The following BBS9 variants were observed in gnomAD, a reference collection of about 807,000 sequenced individuals.
BBS9 encodes the protein Bardet-Biedl syndrome 9, also known as protein PTHB1.
BBS9 carries 89 observed loss-of-function variants against 117.7 expected under a neutral mutation model. That is an observed-to-expected ratio of 0.76 (90% CI 0.64 to 0.90). BBS9 has a LOEUF of 0.90. BBS9 is among the 40% of genes least tolerant of loss of function. BBS9 has a pLI of 0.00. For synonymous variants in BBS9, 379 were observed against 370.9 expected (o/e 1.02, Z -0.25); for missense variants, 982 against 1,042.2 (o/e 0.94, Z 0.80).
chr7:33,609,194 A>G (rs1003022894), downstream of BBS9, among the ~76,000 whole-genome samples: 2 of 152,014 alleles, frequency 1.3e-5, no homozygotes, highest in African/African-American at 4.8e-5. Context: ...TGCTGGGTTC[A>G]CTATTTTGTT....
Position 33,403,893 on chromosome 7 carries a change from C to T in BBS9, c.2115+15749C>T, listed in dbSNP as rs543881417. Among the ~76,000 whole-genome samples, 98 of 152,114 alleles carry T rather than the reference C, an allele frequency of 6.4e-4. No individual in the cohort carries two copies. In the Middle Eastern group the frequency reaches 0.014, roughly 21 times the overall value. On this transcript the variant is annotated intron_variant, in intron 19 of 22. Transcript: ENST00000242067. ...CTAGATCCCTGAGGAATCGCCACAC[C>T]GACTTCCACAGTGGTTGAACTAGTT... is the stretch of plus-strand genomic sequence containing the variant.
intron 11 of BBS9, 53 bp from the exon 12 acceptor site, chr7:33,344,528 G>A: frequency 6.7e-7 from 1 of 1,490,318 alleles, no homozygotes. Context: ...TTCACTCACT[G>A]CTGTGTAATA....
chr7:33,406,019 C>T lies in BBS9; in HGVS notation c.2115+17875C>T, dbSNP rs868142133. Among the ~76,000 whole-genome samples, 724 of 152,084 alleles carry T rather than the reference C, an allele frequency of 4.8e-3. 3 individuals are homozygous for T. Among genetic ancestry groups the T allele is most frequent in the African/African-American group, 0.017 (692 of 41,480 alleles). On this transcript the variant is annotated intron_variant, in intron 19 of 22. Transcript: ENST00000242067. ...TTCCCTCTACACACTGCTTTGAATG[C>T]GTCCCAGAGATTCTGGTATGTTGTG...
At chr7:33,276,646 A>T (rs1253653042) in intron 9 of BBS9, among the ~76,000 whole-genome samples, 1 of 152,218 alleles carries the variant, frequency 6.6e-6, no homozygotes, top group Non-Finnish European at 1.5e-5. Flanking sequence ...TCCGGCAAAA[A>T]AAGAAAAAAG....
At chr7:33,164,009 C>G (rs1689958839) in intron 4 of BBS9, among the ~76,000 whole-genome samples, 1 of 152,054 alleles carries the variant, frequency 6.6e-6, no homozygotes, top group Admixed American at 6.6e-5. Context: ...TAAATGTGTC[C>G]CAGAGATTTT....
chr7:33,166,646 T>A (rs1014039490), intron 4 of BBS9, among the ~76,000 whole-genome samples: 4 of 152,224 alleles, frequency 2.6e-5, no homozygotes, highest in Admixed American at 2.0e-4. Flanking sequence ...CAAGGCTCCA[T>A]GGGCGTGGGA....
chr7:33,368,603 CACACACACACA>C (rs1563074462), intron 17 of BBS9, among the ~76,000 whole-genome samples: 1 of 151,492 alleles, frequency 6.6e-6, no homozygotes, highest in African/African-American at 2.4e-5. Context: ...CACACACACA[CACACACACACA>C]CACCCATACC....
chr7:33,588,458 C>A (rs1376275366), intron 21 of BBS9, among the ~76,000 whole-genome samples: 1 of 152,090 alleles, frequency 6.6e-6, no homozygotes, highest in East Asian at 1.9e-4. Context: ...AAGTTGACAA[C>A]TAAATATCGT....
chr7:33,391,288 AG>A (rs1372632476), intron 19 of BBS9, among the ~76,000 whole-genome samples: 2 of 152,158 alleles, frequency 1.3e-5, no homozygotes, highest in East Asian at 3.8e-4. Flanking sequence ...TGACTTTACT[AG>A]ATTTTTAAAG....
At chr7:33,456,084 A>G (rs1357301786) in intron 19 of BBS9, among the ~76,000 whole-genome samples, 1 of 152,200 alleles carries the variant, frequency 6.6e-6, no homozygotes. Context: ...TGTGAGTGTT[A>G]TGTAATATTT....
intron 9 of BBS9, among the ~76,000 whole-genome samples, chr7:33,313,036 G>GGTGTGTGTGT (rs5883397): frequency 2.7e-5 from 4 of 148,050 alleles, no homozygotes; most frequent in Admixed American, 6.8e-5. Context: ...TGTACTCTGT[G>GGTGTGTGTGT]GTGTGTGTGT....
At chr7:33,450,951 C>T (rs999081701) in intron 19 of BBS9, among the ~76,000 whole-genome samples, 9 of 151,072 alleles carry the variant, frequency 6.0e-5, no homozygotes, top group African/African-American at 1.9e-4. Context: ...TGCAGTGGCG[C>T]GATCTCGGCT....
At chr7:33,133,738 T>TA (rs1451076726) in intron 1 of BBS9, among the ~76,000 whole-genome samples, 8 of 152,232 alleles carry the variant, frequency 5.3e-5, no homozygotes, top group African/African-American at 1.7e-4. Flanking sequence ...TTTTAGATAT[T>TA]ATGAATAATG....
intron 19 of BBS9, among the ~76,000 whole-genome samples, chr7:33,427,659 T>G (rs1833842458): frequency 6.6e-6 from 1 of 152,224 alleles, no homozygotes; most frequent in South Asian, 2.1e-4. Context: ...CTAGGCAATT[T>G]ACTCTGCTTG....
intron 19 of BBS9, among the ~76,000 whole-genome samples, chr7:33,467,482 T>A (rs1840348708): frequency 6.6e-6 from 1 of 152,134 alleles, no homozygotes; most frequent in South Asian, 2.1e-4. Context: ...ATTTGTATAT[T>A]TTTTGCACTT....
chr7:33,180,447 G>A (rs1263629639), intron 5 of BBS9, among the ~76,000 whole-genome samples: 4 of 146,734 alleles, frequency 2.7e-5, no homozygotes, highest in African/African-American at 7.6e-5. Flanking sequence ...TGCAACCTCC[G>A]ACTCCCTGGT....
chr7:33,300,846 A>G lies in BBS9; in HGVS notation c.1016+26890A>G, dbSNP rs112397307. Among the ~76,000 whole-genome samples the G allele has an allele frequency of 2.0e-3, 304 of 152,066 alleles. 2 individuals are homozygous for G. The highest frequency in any genetic ancestry group is 5.4e-3 in the Admixed American group (82 of 15,280). On this transcript the variant is annotated intron_variant, in intron 9 of 22. Transcript: ENST00000242067. Reference sequence around the variant, plus strand: ...AATGCTCTTTACTGTTTCTTTTTGTATGGGTCTACTGTTAAGTAAATCTGT... The same window carrying G: ...AATGCTCTTTACTGTTTCTTTTTGTGTGGGTCTACTGTTAAGTAAATCTGT...
At chr7:33,452,353 C>T (rs900155942) in intron 19 of BBS9, among the ~76,000 whole-genome samples, 2 of 152,156 alleles carry the variant, frequency 1.3e-5, no homozygotes, top group African/African-American at 4.8e-5. Context: ...CAATGACACT[C>T]TCTTTTTCTG....
chr7:33,488,787 G>A (rs1843464452), intron 19 of BBS9, among the ~76,000 whole-genome samples: 1 of 152,062 alleles, frequency 6.6e-6, no homozygotes, highest in South Asian at 2.1e-4. Context: ...TTCTGATTCT[G>A]TGATTGCAAA....
Sources: allele counts gnomAD v4.1 joint callset (sites outside exome capture counted in the v4.1 genomes callset), GRCh38; gene constraint gnomAD v4.1.1; transcripts MANE v1.5; gene names NCBI Gene and HGNC (gene_info 2026-07-23, HGNC 2026-07-21).